KCNN2: variants seen among roughly 807,000 people sequenced by gnomAD.
KCNN2 encodes the protein potassium calcium-activated channel subfamily N member 2.
In KCNN2, 24 loss-of-function variants were observed where a neutral mutation model predicts 55.5. The ratio of observed to expected loss-of-function variants is 0.43; its 90% CI spans 0.31 to 0.61. The LOEUF is 0.61. Ranked by LOEUF, KCNN2 falls within the 20% of genes least tolerant of loss-of-function variation. The probability of loss-of-function intolerance (pLI) is 0.08; values close to 1 mark genes in which losing one functional copy is unlikely to be tolerated. For synonymous variants in KCNN2, 431 were observed against 336.1 expected, an observed-to-expected ratio of 1.28 and a Z score of -3.09; for missense variants, 754 against 853.6, an observed-to-expected ratio of 0.88 and a Z score of 1.45.
intron 2 of KCNN2, among the ~76,000 whole-genome samples, chr5:114,281,533 T>TGAACCTAGG (rs1314352638): frequency 2.1e-5 from 3 of 145,858 alleles, no homozygotes; most frequent in Non-Finnish European, 4.6e-5. Flanking sequence ...GTTTAACTGT[T>TGAACCTAGG]GAACCTAGGC....
intron 1 of KCNN2, among the ~76,000 whole-genome samples, chr5:114,077,890 A>G (rs1383351629): frequency 6.6e-6 from 1 of 152,202 alleles, no homozygotes; most frequent in East Asian, 1.9e-4. Context: ...TCTTTGTGCA[A>G]TTGAAAACAG....
At chr5:114,229,455 G>C (rs891964384) in intron 2 of KCNN2, among the ~76,000 whole-genome samples, 6 of 151,468 alleles carry the variant, frequency 4.0e-5, no homozygotes, top group Non-Finnish European at 8.8e-5. Context: ...GCATGTTCTT[G>C]TTTTTCATAC....
intron 2 of KCNN2, among the ~76,000 whole-genome samples, chr5:114,400,367 T>A (rs1758750771): frequency 1.3e-5 from 2 of 152,176 alleles, no homozygotes; most frequent in Non-Finnish European, 2.9e-5. Flanking sequence ...GTCCCCCAAT[T>A]TAGGTGACGA....
At chr5:114,194,972 GGCACCATTGT>G (rs2112566458) in intron 1 of KCNN2, among the ~76,000 whole-genome samples, 1 of 149,450 alleles carries the variant, frequency 6.7e-6, no homozygotes, top group African/African-American at 2.5e-5. Flanking sequence ...CAATTGTCTT[GGCACCATTGT>G]GCAAAATTAA....
intron 1 of KCNN2, among the ~76,000 whole-genome samples, chr5:114,061,143 G>A (rs1195728205): frequency 6.6e-6 from 1 of 152,184 alleles, no homozygotes; most frequent in African/African-American, 2.4e-5. Context: ...TGCAAATGGG[G>A]ATGCAGTGAT....
chr5:114,385,090 G>T (rs1022583381), intron 2 of KCNN2, among the ~76,000 whole-genome samples: 2 of 152,018 alleles, frequency 1.3e-5, no homozygotes, highest in African/African-American at 4.8e-5. Context: ...CAGATGTGTT[G>T]CCCTATTTTG....
chr5:114,184,884 TTC>T (rs1753301087), intron 1 of KCNN2, among the ~76,000 whole-genome samples: 1 of 152,212 alleles, frequency 6.6e-6, no homozygotes, highest in Non-Finnish European at 1.5e-5. Context: ...TACAAATTTA[TTC>T]TGTTTTTGTA....
At chr5:114,184,798 T>C (rs1753299865) in intron 1 of KCNN2, among the ~76,000 whole-genome samples, 1 of 152,178 alleles carries the variant, frequency 6.6e-6, no homozygotes. Flanking sequence ...ATGTAAACAA[T>C]ATTTCTGAGG....
intron 3 of KCNN2, among the ~76,000 whole-genome samples, chr5:114,411,197 C>G (rs892782421): frequency 2.0e-5 from 3 of 152,070 alleles, no homozygotes; most frequent in Non-Finnish European, 4.4e-5. Context: ...GTAGATTTCA[C>G]TCTATTTTTT....
At chr5:114,286,796 A>G (rs1755763502) in intron 2 of KCNN2, among the ~76,000 whole-genome samples, 1 of 152,222 alleles carries the variant, frequency 6.6e-6, no homozygotes, top group African/African-American at 2.4e-5. Context: ...TAGTGAATAG[A>G]TAAAATTTCC....
At chr5:114,363,703 C>T (rs543398322) in intron 1 of KCNN2, among the ~76,000 whole-genome samples, 4 of 152,312 alleles carry the variant, frequency 2.6e-5, no homozygotes, top group Non-Finnish European at 4.4e-5. Flanking sequence ...TCTTCCCAGT[C>T]TTTCCAGGTC....
At chr5:114,226,246 C>T (rs898352322) in intron 2 of KCNN2, among the ~76,000 whole-genome samples, 4 of 151,806 alleles carry the variant, frequency 2.6e-5, no homozygotes, top group Non-Finnish European at 5.9e-5. Flanking sequence ...TTATTTTTTT[C>T]AATATTGAAT....
chr5:114,194,150 A>G (rs1753504622), intron 1 of KCNN2, among the ~76,000 whole-genome samples: 1 of 152,082 alleles, frequency 6.6e-6, no homozygotes, highest in African/African-American at 2.4e-5. Context: ...GTACAATAAT[A>G]CTATGAGGAT....
intron 1 of KCNN2, among the ~76,000 whole-genome samples, chr5:114,156,801 G>A (rs1266703616): frequency 1.3e-5 from 2 of 151,860 alleles, no homozygotes; most frequent in East Asian, 1.9e-4. Context: ...TATGTTGTAA[G>A]ATGATTTGAA....
At chr5:114,401,477 G>A (rs1388761404) in intron 2 of KCNN2, among the ~76,000 whole-genome samples, 1 of 152,152 alleles carries the variant, frequency 6.6e-6, no homozygotes, top group South Asian at 2.1e-4. Context: ...AAATAACAAG[G>A]AAGTTTATTT....
chr5:114,136,829 A>G (rs1297542485), intron 1 of KCNN2, among the ~76,000 whole-genome samples: 1 of 152,204 alleles, frequency 6.6e-6, no homozygotes, highest in African/African-American at 2.4e-5. Flanking sequence ...GAGAACCTTA[A>G]ATAAGCTCTA....
chr5:114,376,071 T>A (rs1358892800), intron 2 of KCNN2, among the ~76,000 whole-genome samples: 2 of 151,418 alleles, frequency 1.3e-5, no homozygotes, highest in African/African-American at 4.9e-5. Context: ...TTTGACCACG[T>A]TCTGCGTCTC....
Position 114,362,910 on chromosome 5 carries a change from C to T in KCNN2, c.771C>T (p.Gly257=), listed in dbSNP as rs757980687. The change falls in exon 1 of 8, where the codon GGC becomes GGT. Residue 257 remains glycine, a synonymous_variant. Transcript: ENST00000673685. The part of the protein sequence containing the change: ...QPPASVGGGG[G]ASSPSAAAAA... The stretch of plus-strand genomic sequence containing the variant: ...CCGCGTCTGTCGGAGGAGGTGGCGG[C>T]GCGTCCTCCCCGTCTGCAGCCGCTG... 4.4e-6 allele frequency: 7 copies of T among 1,588,454 alleles called. No individual in the cohort carries two copies. The highest frequency in any genetic ancestry group is 5.1e-6 in the Non-Finnish European group (6 of 1,175,758).
rs114270543 is a variant in KCNN2, at chr5:114,127,200, C to T, written c.-271+70700C>T. On this transcript the variant is annotated intron_variant, in intron 1 of 10. Coordinates refer to the KCNN2 transcript ENST00000512097. ...GCCCTCTTCTCACAGCCCCACTAAG[C>T]ATTGTAGTGGGAACTCTGTGTAGGG... Among the ~76,000 whole-genome samples, 785 of 152,258 alleles carry T rather than the reference C, an allele frequency of 5.2e-3. 9 individuals carry two copies. Among genetic ancestry groups the T allele is most frequent in the African/African-American group, 0.018 (741 of 41,540 alleles).
Sources: gnomAD v4.1 joint callset for allele counts (sites outside exome capture counted in the v4.1 genomes callset) on GRCh38, gnomAD v4.1.1 for gene constraint, MANE v1.5 for transcripts, NCBI Gene and HGNC (gene_info 2026-07-23, HGNC 2026-07-21) for gene names.